Variants in RHBG observed in about 807,000 individuals in gnomAD.
The protein encoded by RHBG is ammonium transporter Rh type B.
RHBG carries 39 observed loss-of-function variants against 40.1 expected under a neutral mutation model. That is an observed-to-expected ratio of 0.97 (90% confidence interval 0.75 to 1.27). The LOEUF is 1.27. Ranked by LOEUF, RHBG falls within the 50% of genes most tolerant of loss-of-function variation. The pLI, the probability that RHBG is intolerant of heterozygous loss-of-function variation, is 0.00. For synonymous variants in RHBG, 237 were observed against 252.5 expected (o/e 0.94, Z 0.58); for missense variants, 549 against 588.1 (o/e 0.93, Z 0.69).
At position 156,380,707 on chromosome 1, in the gene RHBG, TAG is replaced by T. The variant is rs576407967; in HGVS notation, c.674-637_674-636del. 5.2e-3 allele frequency among the ~76,000 whole-genome samples: 640 copies of T among 123,754 alleles called. 3 individuals carry two copies. The highest frequency in any genetic ancestry group is 0.011 in the African/African-American group (351 of 30,778). The allele number at this position is 123,754 out of a possible 152,430, so 81.2% of individuals were successfully genotyped here. A position where few individuals can be genotyped will look rare whatever the true frequency, so the allele number is the denominator to read the frequency against. ...TGCCACTGCACTCCAGCCTGGGTGG[TAG>T]AGTGAGACCTTGTCTCAAAAAAAAA... On this transcript the variant is annotated intron_variant, in intron 4 of 9. Transcript: ENST00000537040.
chr1:156,373,988 T>C (rs1303572233), intron 1 of RHBG, among the ~76,000 whole-genome samples: 1 of 152,132 alleles, frequency 6.6e-6, no homozygotes, highest in African/African-American at 2.4e-5. Flanking sequence ...CTGTTTGAGA[T>C]GATATAATAT....
At chr1:156,369,545 T>C (rs1666702461) in intron 1 of RHBG, 109 bp downstream of exon 1, 4 of 1,221,944 alleles carry the variant, frequency 3.3e-6, no homozygotes, top group Middle Eastern at 2.0e-4. Flanking sequence ...TGGGCAGCCG[T>C]CTCGCTCTGA....
At chr1:156,373,042 G>T (rs1469338628) in intron 1 of RHBG, among the ~76,000 whole-genome samples, 1 of 152,202 alleles carries the variant, frequency 6.6e-6, no homozygotes, top group East Asian at 1.9e-4. Context: ...TCTGGTCCAG[G>T]AGTTATCTAG....
intron 4 of RHBG, 64 bp from the exon 5 acceptor site, chr1:156,381,283 C>T: frequency 1.3e-6 from 2 of 1,553,576 alleles, no homozygotes; most frequent in Non-Finnish European, 1.8e-6. Flanking sequence ...TGCAGTTATA[C>T]AACTTGTACC....
rs1383677220 is a variant in RHBG, at chr1:156,381,910, G to A, written c.945G>A (p.Gly315=). 3 of 1,610,684 alleles carry A rather than the reference G, an allele frequency of 1.9e-6. No homozygotes were observed. The highest frequency in any genetic ancestry group is 3.4e-5 in the Admixed American group (2 of 58,404). The change falls in exon 6 of 10, where the codon GGG becomes GGA. Residue 315 remains glycine, a synonymous_variant. Transcript: ENST00000537040. ...FGALAAGFLA[G]TVSTLGYKFF... is the part of the protein sequence containing the mutation. ...CTCTGGCAGCTGGCTTCTTGGCTGG[G>A]ACTGTCTCCACGCTGGGGTACAAGT...
chr1:156,371,051 T>C (rs1047553412), intron 1 of RHBG: 12 of 341,528 alleles, frequency 3.5e-5, no homozygotes, highest in Non-Finnish European at 6.1e-5. Context: ...TTTTTCCCCA[T>C]CTGAGCAAGG....
rs531990393 is a variant in RHBG, at chr1:156,379,411, A to G, written c.673+1012A>G. The stretch of plus-strand genomic sequence containing the variant: ...ATTTTTTTTTCATAGAAGGTATTGA[A>G]TAGGGACTGAAGTACCTATTCCTAT... On this transcript the variant is annotated intron_variant, in intron 4 of 9. Coordinates refer to ENST00000537040, the MANE Select transcript of RHBG (RefSeq NM_020407.5). Among the ~76,000 whole-genome samples the G allele has an allele frequency of 1.1e-4, 16 of 152,282 alleles. No homozygotes were observed. In the South Asian group the frequency reaches 3.3e-3, roughly 32 times the overall value.
chr1:156,382,877 A>G lies in RHBG; in HGVS notation c.1234+8A>G. ...TGGGCGGGGGCCTTGGAGGTGAGTA[A>G]CCTTGGATTTTCTAGAGGAAGGGGC... On this transcript the variant is annotated splice_region_variant and intron_variant, in intron 8 of 9. Transcript: ENST00000537040. The G allele has an allele frequency of 6.2e-7, 1 of 1,614,184 alleles. No individual in the cohort carries two copies. The highest frequency in any genetic ancestry group is 1.3e-5 in the African/African-American group (1 of 75,050).
chr1:156,374,849 G>A, intron 1 of RHBG: 1 of 254,426 alleles, frequency 3.9e-6, no homozygotes, highest in Non-Finnish European at 7.8e-6. Flanking sequence ...GCCTCCCAAA[G>A]TGCTGGGATT....
chr1:156,384,867 G>A lies in RHBG; in HGVS notation c.*22G>A, dbSNP rs1459998694. Reference sequence around the variant, plus strand: ...CTAACCCACTGCCAGCCCCTGAGAGGACACGCTCCTTTTCGAAGATGCTGA... The same window carrying A: ...CTAACCCACTGCCAGCCCCTGAGAGAACACGCTCCTTTTCGAAGATGCTGA... On this transcript the variant is annotated 3_prime_UTR_variant, in exon 10 of 10. Coordinates refer to ENST00000537040, the MANE Select transcript of RHBG (RefSeq NM_020407.5). 6.6e-7 allele frequency: 1 copy of A among 1,504,296 alleles called. No homozygotes were observed. Among genetic ancestry groups the A allele is most frequent in the Admixed American group, 1.8e-5 (1 of 56,436 alleles). 93.2% of individuals were successfully genotyped at this position (1,504,296 alleles called of 1,614,324 possible).
In RHBG at chr1:156,381,926, G is replaced by A; in HGVS notation, c.961G>A (p.Gly321Arg). 1 of 1,611,656 alleles carries A rather than the reference G, an allele frequency of 6.2e-7. No individual in the cohort carries two copies. Among genetic ancestry groups the A allele is most frequent in the South Asian group, 1.1e-5 (1 of 90,810 alleles). ...CTTGGCTGGGACTGTCTCCACGCTGGGGTACAAGTTCTTCACGGTATAGAT... is the reference window on the plus strand; with the variant it reads ...CTTGGCTGGGACTGTCTCCACGCTGAGGTACAAGTTCTTCACGGTATAGAT... Reference protein sequence around the residue: ...GFLAGTVSTLGYKFFTPILES... With the variant: ...GFLAGTVSTLRYKFFTPILES... Residue 321 changes from glycine to arginine, a missense_variant, in exon 6 of 10, where the codon GGG becomes AGG. Coordinates refer to ENST00000537040, the MANE Select transcript of RHBG (RefSeq NM_020407.5).
intron 4 of RHBG, among the ~76,000 whole-genome samples, chr1:156,380,395 C>G (rs2101795240): frequency 6.6e-6 from 1 of 152,040 alleles, no homozygotes; most frequent in South Asian, 2.1e-4. Flanking sequence ...CCCACTGTGC[C>G]CGGCCTTCTT....
In RHBG at chr1:156,377,487, G is replaced by A; in HGVS notation, c.374G>A (p.Ser125Asn). ...GGCCACATCCATGTTGGCGTGGAGAGGTGGGCAGCCGCCACCCACCCAGCT... is the reference window on the plus strand; with the variant it reads ...GGCCACATCCATGTTGGCGTGGAGAAGTGGGCAGCCGCCACCCACCCAGCT... The part of the protein sequence containing the change: ...HGGHIHVGVE[S>N]MINADFCAGA... The change falls in exon 2 of 10, where the codon AGC becomes AAC. Residue 125 changes from serine to asparagine, a missense_variant and splice_region_variant. Transcript: ENST00000537040. The surrounding 1 kb of genome is among the most constrained non-coding windows in gnomAD (Gnocchi z 4.6). 6.2e-7 allele frequency: 1 copy of A among 1,602,640 alleles called. No individual in the cohort carries two copies. The highest frequency in any genetic ancestry group is 1.1e-5 in the South Asian group (1 of 90,860).
intron 8 of RHBG, among the ~76,000 whole-genome samples, 171 bp downstream of exon 8, chr1:156,383,040 G>T (rs541672041): frequency 6.6e-6 from 1 of 152,362 alleles, no homozygotes; most frequent in African/African-American, 2.4e-5. Context: ...GCATGCAGGT[G>T]CTTGCTCCTT....
At position 156,380,685 on chromosome 1, in the gene RHBG, C is replaced by T. The variant is rs374938548; in HGVS notation, c.674-662C>T. 5.3e-4 allele frequency among the ~76,000 whole-genome samples: 75 copies of T among 140,302 alleles called. No individual in the cohort carries two copies. In the East Asian group the frequency reaches 0.014, roughly 26 times the overall value. 92.0% of individuals were successfully genotyped at this position (140,302 alleles called of 152,430 possible). A position where few individuals can be genotyped will look rare whatever the true frequency, so the allele number is the denominator to read the frequency against. ...AGATTGCAGTGAGCTGGGATCATGC[C>T]ACTGCACTCCAGCCTGGGTGGTAGA... is the stretch of plus-strand genomic sequence containing the variant. On this transcript the variant is annotated intron_variant, in intron 4 of 9. Coordinates refer to ENST00000537040, the MANE Select transcript of RHBG (RefSeq NM_020407.5).
chr1:156,379,969 C>G (rs1667503356), intron 4 of RHBG, among the ~76,000 whole-genome samples: 1 of 152,214 alleles, frequency 6.6e-6, no homozygotes. Context: ...ACTCAGCAAA[C>G]AGAGGCCTCT....
chr1:156,384,678 C>G (rs553371340), intron 9 of RHBG, 78 bp downstream of exon 9: 1 of 1,540,728 alleles, frequency 6.5e-7, no homozygotes, highest in South Asian at 1.2e-5. Flanking sequence ...TTGCCTTCTT[C>G]CTTCCTTGCT....
In RHBG at chr1:156,377,890, C is replaced by A; in HGVS notation, c.375-100C>A. 1 of 1,235,488 alleles carries A rather than the reference C, an allele frequency of 8.1e-7. No individual in the cohort carries two copies. The allele number at this position is 1,235,488 out of a possible 1,614,324, so 76.5% of individuals were successfully genotyped here. On this transcript the variant is annotated intron_variant, in intron 2 of 9. Coordinates refer to ENST00000537040, the MANE Select transcript of RHBG (RefSeq NM_020407.5). The surrounding 1 kb of genome is among the most constrained non-coding windows in gnomAD (Gnocchi z 4.6). The stretch of plus-strand genomic sequence containing the variant: ...TTCTCTCCAGAACTCCAACCCCACC[C>A]CACCCACCACATCATGCTGTCCTGG...
At chr1:156,381,760 G>T in intron 5 of RHBG, 46 bp from the exon 6 acceptor site, 1 of 1,554,600 alleles carries the variant, frequency 6.4e-7, no homozygotes, top group Non-Finnish European at 8.6e-7. Flanking sequence ...GGTTGCTGTG[G>T]GTGTGACAAT....
Sources: gnomAD v4.1 joint callset for allele counts (sites outside exome capture counted in the v4.1 genomes callset) on GRCh38, gnomAD v4.1.1 for gene constraint, Gnocchi (gnomAD v3.1) non-coding constraint, MANE v1.5 for transcripts, NCBI Gene and HGNC (gene_info 2026-07-23, HGNC 2026-07-21) for gene names.